The following TNS3 variants were observed in gnomAD, a reference collection of about 807,000 sequenced individuals.
TNS3 encodes the protein tensin 3, also known as tensin-3.
A neutral mutation model predicts 140.9 loss-of-function variants in TNS3; 45 were observed. The observed-to-expected ratio is 0.32, with a 90% CI of 0.25 to 0.41. The LOEUF (loss-of-function observed/expected upper bound fraction) is 0.41, where lower values mean the gene tolerates loss of function less well. Among genes scored for constraint, TNS3 ranks in the 10% least tolerant of loss-of-function variants. The pLI, the probability that TNS3 is intolerant of heterozygous loss-of-function variation, is 1.00. For synonymous variants in TNS3, 815 were observed against 788.4 expected (o/e 1.03, Z -0.56); for missense variants, 1,716 against 1,906.7 (o/e 0.90, Z 1.86).
chr7:47,337,536 T>A (rs1490010699), intron 20 of TNS3, among the ~76,000 whole-genome samples: 2 of 152,216 alleles, frequency 1.3e-5, no homozygotes, highest in East Asian at 3.8e-4. Context: ...TTCCACTGTG[T>A]TAAGGTCAGC....
rs1210205798 is a variant in TNS3, at chr7:47,424,201, GAGAA to G, written c.390-21_390-18del. 1.9e-6 allele frequency: 3 copies of G among 1,613,500 alleles called. No homozygotes were observed. Among genetic ancestry groups the G allele is most frequent in the Non-Finnish European group, 2.5e-6 (3 of 1,179,714 alleles). ...TGGTCGGCGCTGAAGGGGAGAGAGA[GAGAA>G]AGAGAGTTAACTCAGTGGAGCCCAC... On this transcript the variant is annotated intron_variant, in intron 9 of 30. Coordinates refer to ENST00000311160, the MANE Select transcript of TNS3 (RefSeq NM_022748.12).
Position 47,400,884 on chromosome 7 carries a change from CCG to C in TNS3, c.752_753del (p.Ser251CysfsTer4). 1.2e-6 allele frequency: 2 copies of C among 1,614,218 alleles called. No homozygotes were observed. Among genetic ancestry groups the C allele is most frequent in the Admixed American group, 1.7e-5 (1 of 60,028 alleles). On this transcript the variant is annotated frameshift_variant, in exon 14 of 31. Coordinates refer to ENST00000311160, the MANE Select transcript of TNS3 (RefSeq NM_022748.12). LOFTEE classifies it high-confidence loss of function. ...MVKCYHKKYR[S>X]ATRDVIFRLQ... ...AGGCGGAAAATGACGTCACGGGTGG[CCG>C]AGCGGTATTTCTTGTGGTAGCATTT...
intron 1 of TNS3, among the ~76,000 whole-genome samples, chr7:47,535,434 T>C (rs2151953238): frequency 6.6e-6 from 1 of 152,332 alleles, no homozygotes; most frequent in Non-Finnish European, 1.5e-5. Flanking sequence ...TGTAATAACA[T>C]CTGCTCACGC....
intron 20 of TNS3, among the ~76,000 whole-genome samples, chr7:47,320,750 C>T (rs912007267): frequency 1.8e-4 from 27 of 152,222 alleles, no homozygotes; most frequent in Non-Finnish European, 2.9e-5. Context: ...CGGGTTAAGG[C>T]ATCATTCAAC....
At chr7:47,427,536 C>T (rs983298013) in intron 9 of TNS3, among the ~76,000 whole-genome samples, 2 of 152,226 alleles carry the variant, frequency 1.3e-5, no homozygotes, top group Admixed American at 1.3e-4. Context: ...ATTTTCTGCA[C>T]TGCATTTCAG....
chr7:47,423,600 A>G (rs1278983715), intron 10 of TNS3, among the ~76,000 whole-genome samples: 1 of 152,228 alleles, frequency 6.6e-6, no homozygotes, highest in Non-Finnish European at 1.5e-5. Context: ...GCAACTGCTA[A>G]TGTGTTTGTG....
At chr7:47,309,625 A>G (rs1368923647) in intron 20 of TNS3, among the ~76,000 whole-genome samples, 1 of 152,256 alleles carries the variant, frequency 6.6e-6, no homozygotes, top group Non-Finnish European at 1.5e-5. Context: ...TGTTATGGCT[A>G]AAGAGAAAGA....
At chr7:47,534,361 G>A (rs758844629) in intron 1 of TNS3, among the ~76,000 whole-genome samples, 1 of 152,060 alleles carries the variant, frequency 6.6e-6, no homozygotes, top group Non-Finnish European at 1.5e-5. Flanking sequence ...TACACTACAA[G>A]CTCTGTGGCC....
intron 7 of TNS3, among the ~76,000 whole-genome samples, chr7:47,436,695 T>A (rs1033834981): frequency 6.6e-6 from 1 of 152,156 alleles, no homozygotes; most frequent in African/African-American, 2.4e-5. Flanking sequence ...GAGAGCCCCA[T>A]GCTGATGGAA....
intron 1 of TNS3, among the ~76,000 whole-genome samples, chr7:47,548,003 C>T (rs932615095): frequency 2.0e-5 from 3 of 152,212 alleles, no homozygotes; most frequent in Non-Finnish European, 4.4e-5. Flanking sequence ...CAGGTGCAGA[C>T]GTTTCTCCTG....
chr7:47,399,080 G>GAAAAAAAA (rs55834937), intron 15 of TNS3, among the ~76,000 whole-genome samples: 3 of 93,602 alleles, frequency 3.2e-5, no homozygotes, highest in Non-Finnish European at 5.9e-5. Context: ...TACGACAGCT[G>GAAAAAAAA]AAAAAAAAAA....
chr7:47,311,469 AAGAG>A (rs1303605542), intron 20 of TNS3, among the ~76,000 whole-genome samples: 15 of 143,606 alleles, frequency 1.0e-4, no homozygotes, highest in East Asian at 2.1e-4. Context: ...GAGAGAGAGA[AAGAG>A]AGAATAATCA....
chr7:47,464,467 A>G (rs1228476833), intron 4 of TNS3, among the ~76,000 whole-genome samples: 1 of 152,074 alleles, frequency 6.6e-6, no homozygotes, highest in Non-Finnish European at 1.5e-5. Flanking sequence ...CAACACCCCT[A>G]GGATTGCTCA....
chr7:47,487,069 T>A (rs933124413), intron 3 of TNS3, among the ~76,000 whole-genome samples: 44 of 152,104 alleles, frequency 2.9e-4, no homozygotes, highest in African/African-American at 1.1e-3. Flanking sequence ...GAGGCCCAGA[T>A]GGGCGGATCA....
intron 1 of TNS3, among the ~76,000 whole-genome samples, chr7:47,553,384 G>A (rs1281250777): frequency 1.3e-5 from 2 of 152,232 alleles, no homozygotes; most frequent in Non-Finnish European, 2.9e-5. Flanking sequence ...CGAAGCACAG[G>A]CTAACTGTCT....
intron 1 of TNS3, among the ~76,000 whole-genome samples, chr7:47,536,288 G>A (rs1799593977): frequency 6.6e-6 from 1 of 151,616 alleles, no homozygotes; most frequent in Non-Finnish European, 1.5e-5. Context: ...GGGAAAGGGA[G>A]GCTGAACCTA....
intron 9 of TNS3, among the ~76,000 whole-genome samples, chr7:47,427,085 C>T (rs1390341692): frequency 6.9e-6 from 1 of 144,026 alleles, no homozygotes; most frequent in East Asian, 2.0e-4. Context: ...AAGATTGCAC[C>T]ACTGCACTCC....
intron 4 of TNS3, among the ~76,000 whole-genome samples, chr7:47,477,325 A>T (rs1255001837): frequency 6.6e-6 from 1 of 152,152 alleles, no homozygotes; most frequent in Non-Finnish European, 1.5e-5. Flanking sequence ...GAACCTCTCC[A>T]AAGGGGTCAT....
chr7:47,549,206 C>G (rs560793274), intron 1 of TNS3, among the ~76,000 whole-genome samples: 5 of 152,212 alleles, frequency 3.3e-5, no homozygotes, highest in African/African-American at 1.2e-4. Flanking sequence ...AATGAAAGTT[C>G]TTTTGGCCAG....
Sources: allele counts gnomAD v4.1 joint callset (sites outside exome capture counted in the v4.1 genomes callset), GRCh38; gene constraint gnomAD v4.1.1; transcripts MANE v1.5; gene names NCBI Gene and HGNC (gene_info 2026-07-23, HGNC 2026-07-21).